MACROD1: variants seen among roughly 807,000 people sequenced by gnomAD.
The protein encoded by MACROD1 is ADP-ribose glycohydrolase MACROD1.
Under a neutral mutation model 41.4 loss-of-function variants are expected in MACROD1, and 31 were observed. The observed-to-expected ratio is 0.75, with a 90% CI of 0.56 to 1.01. The LOEUF is 1.01. Ranked by LOEUF, MACROD1 falls within the 50% of genes least tolerant of loss-of-function variation. The pLI, the probability that MACROD1 is intolerant of heterozygous loss-of-function variation, is 0.00. For synonymous variants in MACROD1, 252 were observed against 203.4 expected (o/e 1.24, Z -2.03); for missense variants, 473 against 460.0 (o/e 1.03, Z -0.26).
At chr11:64,022,217 G>A (rs79450622) in intron 3 of MACROD1, among the ~76,000 whole-genome samples, 6,491 of 152,076 alleles carry the variant, frequency 0.043, 491 homozygotes, top group African/African-American at 0.15. Flanking sequence ...GGAAGGGACT[G>A]GGGGCACAGG....
chr11:64,048,135 G>A (rs544577888), intron 3 of MACROD1, among the ~76,000 whole-genome samples: 154 of 152,300 alleles, frequency 1.0e-3, no homozygotes, highest in African/African-American at 3.3e-3. Flanking sequence ...GGCCGGGCAG[G>A]GGCCCTGCCC....
At chr11:64,056,791 G>A (rs1943794142) in intron 3 of MACROD1, among the ~76,000 whole-genome samples, 1 of 152,126 alleles carries the variant, frequency 6.6e-6, no homozygotes, top group South Asian at 2.1e-4. Context: ...CTGGGCTGAA[G>A]GAAGGGTTCT....
intron 3 of MACROD1, among the ~76,000 whole-genome samples, chr11:64,106,573 T>G (rs1396591246): frequency 6.6e-6 from 1 of 152,202 alleles, no homozygotes. Context: ...TTGTCAGGGT[T>G]GTTCTCAGCC....
At chr11:64,058,370 A>G (rs1333150191) in intron 3 of MACROD1, among the ~76,000 whole-genome samples, 3 of 152,198 alleles carry the variant, frequency 2.0e-5, no homozygotes, top group Non-Finnish European at 4.4e-5. Flanking sequence ...GGCAGGGCTT[A>G]GTCTGGACAG....
rs1943379395 is a variant in MACROD1 at position 64,036,325 on chromosome 11, TTTG to T, written c.518-21047_518-21045del. 6.6e-6 allele frequency among the ~76,000 whole-genome samples: 1 copy of T among 151,692 alleles called. No individual in the cohort carries two copies. ...GAGATGGGACGCCCAGCCTTTGGGA[TTTG>T]GGGTGGGGGTCCCTGAGTCAAGAGC... On this transcript the variant is annotated intron_variant, in intron 3 of 10. Transcript: ENST00000255681. This position sits in a 1 kb window ranked among gnomAD's most constrained non-coding sequence, Gnocchi z 5.6.
intron 3 of MACROD1, among the ~76,000 whole-genome samples, chr11:64,085,160 T>C (rs1008370589): frequency 2.0e-5 from 3 of 152,182 alleles, no homozygotes; most frequent in Admixed American, 1.3e-4. Context: ...GGATGGGGCT[T>C]GAGGGCAGAG....
At chr11:64,147,511 C>A (rs1002958226) in intron 3 of MACROD1, among the ~76,000 whole-genome samples, 1 of 151,730 alleles carries the variant, frequency 6.6e-6, no homozygotes, top group Non-Finnish European at 1.5e-5. Context: ...CTGCCTCAGC[C>A]TCCTGGGTTC....
chr11:64,116,440 G>A, intron 3 of MACROD1: 1 of 1,613,976 alleles, frequency 6.2e-7, no homozygotes, highest in Non-Finnish European at 8.5e-7. Context: ...CCCTCGGTGT[G>A]CCGCTGCGAC....
chr11:64,034,373 G>A (rs889828804), intron 3 of MACROD1, among the ~76,000 whole-genome samples: 6 of 152,132 alleles, frequency 3.9e-5, no homozygotes, highest in Admixed American at 1.3e-4. Flanking sequence ...TTTTATTGTT[G>A]GTATAATGCT....
At chr11:64,055,039 C>G (rs1943759758) in intron 3 of MACROD1, among the ~76,000 whole-genome samples, 1 of 152,168 alleles carries the variant, frequency 6.6e-6, no homozygotes, top group Admixed American at 6.5e-5. Flanking sequence ...CCCATGCTGA[C>G]AGCCCTTCCT....
intron 3 of MACROD1, among the ~76,000 whole-genome samples, chr11:64,040,025 CTCAT>C (rs992718465): frequency 2.6e-5 from 4 of 152,342 alleles, no homozygotes; most frequent in East Asian, 1.9e-4. Flanking sequence ...TCCTTTCCTG[CTCAT>C]TCATTCATTC....
At chr11:64,059,478 C>T (rs1229364624) in intron 3 of MACROD1, among the ~76,000 whole-genome samples, 2 of 152,192 alleles carry the variant, frequency 1.3e-5, no homozygotes, top group East Asian at 3.9e-4. Context: ...GAGAGGGCAT[C>T]CCATGCCCTT....
At chr11:64,118,889 AT>A (rs1159458230) in intron 3 of MACROD1, 3 of 166,990 alleles carry the variant, frequency 1.8e-5, no homozygotes, top group African/African-American at 7.2e-5. Context: ...GAAACATGGC[AT>A]CTTTCACTGC....
At chr11:64,095,584 G>A (rs1282745646) in intron 3 of MACROD1, among the ~76,000 whole-genome samples, 1 of 152,194 alleles carries the variant, frequency 6.6e-6, no homozygotes, top group Non-Finnish European at 1.5e-5. Context: ...AGAGAACTGA[G>A]GTTGCTAGTG....
At chr11:64,065,540 A>G (rs1943983829) in intron 3 of MACROD1, among the ~76,000 whole-genome samples, 1 of 152,208 alleles carries the variant, frequency 6.6e-6, no homozygotes, top group Non-Finnish European at 1.5e-5. Flanking sequence ...CTGTAATCCC[A>G]GCACTTTGGG....
intron 3 of MACROD1, among the ~76,000 whole-genome samples, chr11:64,112,575 T>C (rs1944881759): frequency 6.6e-6 from 1 of 152,104 alleles, no homozygotes; most frequent in South Asian, 2.1e-4. Context: ...TAGTTGGTGG[T>C]AAATACTATA....
intron 3 of MACROD1, among the ~76,000 whole-genome samples, chr11:64,039,298 G>C (rs1040740266): frequency 2.6e-5 from 4 of 152,272 alleles, no homozygotes; most frequent in Non-Finnish European, 4.4e-5. Flanking sequence ...GGACTGCCCC[G>C]GGGGTAGCTT....
intron 1 of MACROD1, among the ~76,000 whole-genome samples, chr11:64,156,740 C>T (rs1465081080): frequency 1.3e-5 from 2 of 152,178 alleles, no homozygotes; most frequent in Admixed American, 6.5e-5. Flanking sequence ...TGCTCCACTT[C>T]CCAGAGACAG....
At chr11:64,117,542 C>T in intron 3 of MACROD1, 1 of 1,603,394 alleles carries the variant, frequency 6.2e-7, no homozygotes, top group Non-Finnish European at 8.5e-7. Flanking sequence ...CCGACTCCAA[C>T]ATTGACTACC....
Sources: allele counts gnomAD v4.1 joint callset (sites outside exome capture counted in the v4.1 genomes callset), GRCh38; gene constraint gnomAD v4.1.1; non-coding constraint Gnocchi (gnomAD v3.1); transcripts MANE v1.5; gene names NCBI Gene and HGNC (gene_info 2026-07-23, HGNC 2026-07-21).